The following SPESP1 variants were observed in gnomAD, a reference collection of about 807,000 sequenced individuals.
SPESP1 encodes the protein sperm equatorial segment protein 1.
In SPESP1, 1 loss-of-function variant was observed where a neutral mutation model predicts 3.1. That is an observed-to-expected ratio of 0.33 (90% CI 0.12 to 1.54). The LOEUF is 1.54. SPESP1 is among the 40% of genes most tolerant of loss of function. The pLI, the probability that SPESP1 is intolerant of heterozygous loss-of-function variation, is 0.38. For missense variants in SPESP1, 398 were observed against 410.1 expected, an observed-to-expected ratio of 0.97 and a Z score of 0.26; for synonymous variants, 138 against 150.7, an observed-to-expected ratio of 0.92 and a Z score of 0.62.
At chr15:68,945,287 G>T (rs1041366150) in intron 1 of SPESP1, among the ~76,000 whole-genome samples, 1 of 152,128 alleles carries the variant, frequency 6.6e-6, no homozygotes, top group Non-Finnish European at 1.5e-5. Flanking sequence ...ACATAATCAA[G>T]AATTTTCGTT....
At chr15:68,938,462 C>T (rs1162616583) in intron 1 of SPESP1, among the ~76,000 whole-genome samples, 2 of 151,904 alleles carry the variant, frequency 1.3e-5, no homozygotes, top group Non-Finnish European at 2.9e-5. Context: ...TTACTAGATA[C>T]ATCTTAATAT....
At chr15:68,938,404 A>G (rs1417912570) in intron 1 of SPESP1, among the ~76,000 whole-genome samples, 1 of 152,100 alleles carries the variant, frequency 6.6e-6, no homozygotes, top group Non-Finnish European at 1.5e-5. Context: ...ATTGTCAGTT[A>G]CTTGTACTTT....
intron 1 of SPESP1, among the ~76,000 whole-genome samples, chr15:68,937,469 A>C: frequency 6.6e-6 from 1 of 152,322 alleles, no homozygotes; most frequent in East Asian, 1.9e-4. Flanking sequence ...AAAGGGGAGT[A>C]AGGATGGAAC....
chr15:68,944,615 G>C (rs1895912260), intron 1 of SPESP1, among the ~76,000 whole-genome samples: 1 of 152,116 alleles, frequency 6.6e-6, no homozygotes, highest in African/African-American at 2.4e-5. Context: ...GTGAAATGCT[G>C]ATGATTTAGA....
Position 68,930,600 on chromosome 15 carries a change from C to T in SPESP1, c.-54C>T, listed in dbSNP as rs988252228. On this transcript the variant is annotated 5_prime_UTR_variant, in exon 1 of 2. Coordinates refer to ENST00000310673, the MANE Select transcript of SPESP1 (RefSeq NM_145658.4). Reference sequence around the variant, plus strand: ...TCCCTTTCGGCCTTGAGGTTCCCAGCCTGGTGGCCCCAGGACGTTCCGGTC... The same window carrying T: ...TCCCTTTCGGCCTTGAGGTTCCCAGTCTGGTGGCCCCAGGACGTTCCGGTC... 54 of 1,610,688 alleles carry T rather than the reference C, an allele frequency of 3.4e-5. 1 individual carries two copies. The South Asian group carries it at 5.7e-4, about 17-fold the overall frequency.
chr15:68,945,118 C>T (rs912374897), intron 1 of SPESP1, among the ~76,000 whole-genome samples: 6 of 152,084 alleles, frequency 3.9e-5, no homozygotes, highest in African/African-American at 1.4e-4. Flanking sequence ...ATATTTATTA[C>T]CTTTGCTTTT....
chr15:68,943,739 A>C (rs910960521), intron 1 of SPESP1, among the ~76,000 whole-genome samples: 2 of 152,156 alleles, frequency 1.3e-5, no homozygotes, highest in Non-Finnish European at 2.9e-5. Context: ...CTGTGAATAA[A>C]GTAGGAATAT....
At chr15:68,940,030 CATTTT>C (rs750214357) in intron 1 of SPESP1, among the ~76,000 whole-genome samples, 74 of 152,162 alleles carry the variant, frequency 4.9e-4, no homozygotes, top group Admixed American at 1.9e-3. Context: ...ATTAAAAAAA[CATTTT>C]ATTACGGAAA....
Position 68,945,857 on chromosome 15 carries a change from C to G in SPESP1, c.323C>G (p.Pro108Arg), listed in dbSNP as rs111627351. Residue 108 changes from proline (P) to arginine (R), a missense_variant, in exon 2 of 2, where the codon CCG becomes CGG. Physicochemically the swap from Pro to Arg is moderately radical, Grantham distance 103. Transcript: ENST00000310673. The part of the protein sequence containing the change: ...TTTFPTGGFT[P>R]EIGKKKHTES... ...ACTTTCCCTACAGGAGGCTTCACACCGGAAATAGGAAAGAAAAAACACACG... is the reference window on the plus strand; with the variant it reads ...ACTTTCCCTACAGGAGGCTTCACACGGGAAATAGGAAAGAAAAAACACACG... The G allele has an allele frequency of 2.9e-5, 47 of 1,613,914 alleles. No homozygotes were observed. The highest frequency in any genetic ancestry group is 3.9e-5 in the Non-Finnish European group (46 of 1,180,006).
intron 1 of SPESP1, chr15:68,939,854 G>C (rs1350776546): frequency 2.0e-5 from 3 of 152,064 alleles, no homozygotes; most frequent in African/African-American, 7.2e-5. Flanking sequence ...ATCCACCTGG[G>C]TATCTTATTT....
At chr15:68,933,280 T>C (rs887550417) in intron 1 of SPESP1, among the ~76,000 whole-genome samples, 1 of 152,214 alleles carries the variant, frequency 6.6e-6, no homozygotes, top group Non-Finnish European at 1.5e-5. Flanking sequence ...AGCTAGTATT[T>C]GTTTAATCTA....
chr15:68,935,604 A>G (rs1418062750), intron 1 of SPESP1, among the ~76,000 whole-genome samples: 1 of 152,258 alleles, frequency 6.6e-6, no homozygotes, highest in Non-Finnish European at 1.5e-5. Flanking sequence ...GACAAGTCAC[A>G]TGGGGCAAGC....
Position 68,946,369 on chromosome 15 carries a change from T to C in SPESP1, c.835T>C (p.Tyr279His), listed in dbSNP as rs780969256. ...AGCAGAACATAAATTAAAAACAATGTATAAGTCCCAGTTATTGCCAGTAGG... is the reference window on the plus strand; with the variant it reads ...AGCAGAACATAAATTAAAAACAATGCATAAGTCCCAGTTATTGCCAGTAGG... Reference protein sequence around the residue: ...AAAEHKLKTMYKSQLLPVGRT... With the variant: ...AAAEHKLKTMHKSQLLPVGRT... Residue 279 changes from tyrosine to histidine, a missense_variant, in exon 2 of 2, where the codon TAT (tyrosine) becomes CAT (histidine). Tyr to His is a moderately conservative substitution (Grantham distance 83). Coordinates refer to ENST00000310673, the MANE Select transcript of SPESP1 (RefSeq NM_145658.4). The C allele has an allele frequency of 2.5e-6, 4 of 1,614,000 alleles. No homozygotes were observed. Among genetic ancestry groups the C allele is most frequent in the Non-Finnish European group, 3.4e-6 (4 of 1,180,038 alleles).
At chr15:68,938,370 G>C (rs894121694) in intron 1 of SPESP1, among the ~76,000 whole-genome samples, 5 of 152,016 alleles carry the variant, frequency 3.3e-5, no homozygotes, top group Admixed American at 6.6e-5. Context: ...GTGTGAACGG[G>C]ATGTATTTTT....
chr15:68,943,590 G>A (rs565343752), intron 1 of SPESP1, among the ~76,000 whole-genome samples: 18 of 152,158 alleles, frequency 1.2e-4, no homozygotes, highest in Non-Finnish European at 2.2e-4. Flanking sequence ...CTCATTGGGC[G>A]TAAATGCAGA....
In SPESP1 at chr15:68,946,168, G is replaced by A. The variant is rs143510334; in HGVS notation, c.634G>A (p.Glu212Lys). 8.7e-6 allele frequency: 14 copies of A among 1,613,986 alleles called. No individual in the cohort carries two copies. The highest frequency in any genetic ancestry group is 6.7e-5 in the African/African-American group (5 of 74,896). The change falls in exon 2 of 2, where the codon GAA becomes AAA. Residue 212 changes from glutamate to lysine, a missense_variant. Transcript: ENST00000310673. ...LSGETAIEKP[E>K]EFGKHPESWN... ...AGGTGAAACTGCGATAGAAAAACCC[G>A]AAGAGTTTGGAAAGCACCCAGAGAG...
intron 1 of SPESP1, among the ~76,000 whole-genome samples, chr15:68,936,517 G>A (rs1047330873): frequency 5.3e-5 from 8 of 152,146 alleles, no homozygotes; most frequent in African/African-American, 7.2e-5. Flanking sequence ...AGGCAAATGC[G>A]TAGCTACAGA....
chr15:68,936,159 AT>A (rs1414371449), intron 1 of SPESP1, among the ~76,000 whole-genome samples: 1 of 152,204 alleles, frequency 6.6e-6, no homozygotes, highest in African/African-American at 2.4e-5. Context: ...GCTTGGGTAT[AT>A]GTTTAAGTTT....
chr15:68,936,078 A>G (rs1895672790), intron 1 of SPESP1, among the ~76,000 whole-genome samples: 1 of 152,210 alleles, frequency 6.6e-6, no homozygotes, highest in African/African-American at 2.4e-5. Flanking sequence ...TGTATAGAAA[A>G]TACAAGCAAT....
Sources: allele counts gnomAD v4.1 joint callset (sites outside exome capture counted in the v4.1 genomes callset), GRCh38; gene constraint gnomAD v4.1.1; transcripts MANE v1.5; gene names NCBI Gene and HGNC (gene_info 2026-07-23, HGNC 2026-07-21).